Variants in RIC1 observed in about 807,000 individuals in gnomAD.
RIC1 encodes the protein guanine nucleotide exchange factor subunit RIC1.
In RIC1, 88 loss-of-function variants were observed where a neutral mutation model predicts 169.0. The observed-to-expected ratio is 0.52, with a 90% CI of 0.44 to 0.62. The LOEUF is 0.62. RIC1 is among the 20% of genes least tolerant of loss of function. The pLI is 0.00. For synonymous variants in RIC1, 790 were observed against 601.5 expected (o/e 1.31, Z -4.59); for missense variants, 1,877 against 1,725.5 (o/e 1.09, Z -1.56).
At chr9:5,645,051 C>T (rs141389498) in intron 1 of RIC1, among the ~76,000 whole-genome samples, 24 of 152,100 alleles carry the variant, frequency 1.6e-4, no homozygotes, top group African/African-American at 4.3e-4. Context: ...TTAGCCATTT[C>T]GCTATACCTA....
chr9:5,710,586 A>G (rs1327895208), intron 3 of RIC1, among the ~76,000 whole-genome samples: 4 of 152,234 alleles, frequency 2.6e-5, no homozygotes, highest in African/African-American at 7.2e-5. Context: ...AACCTCTAAA[A>G]TAAGAACAAA....
intron 2 of RIC1, among the ~76,000 whole-genome samples, chr9:5,683,079 A>C (rs1820962497): frequency 6.6e-6 from 1 of 152,024 alleles, no homozygotes; most frequent in Non-Finnish European, 1.5e-5. Context: ...TTTTTTTTCA[A>C]GGTTTTTAAC....
At chr9:5,767,729 A>G (rs949926456) in intron 21 of RIC1, among the ~76,000 whole-genome samples, 3 of 152,076 alleles carry the variant, frequency 2.0e-5, no homozygotes, top group Non-Finnish European at 2.9e-5. Flanking sequence ...CTGGGATTAC[A>G]GGCATGCACC....
chr9:5,750,744 G>A lies in RIC1; in HGVS notation c.1453-2456G>A, dbSNP rs538560613. 2.6e-4 allele frequency among the ~76,000 whole-genome samples: 39 copies of A among 148,622 alleles called. 1 individual carries two copies. The highest frequency in any genetic ancestry group is 9.1e-4 in the African/African-American group (37 of 40,710). ...TGATGTGGCATGACTTCAGTGCCCT[G>A]AGTGTGCTTTCATGACCTGTTTTTT... On this transcript the variant is annotated intron_variant, in intron 12 of 25. Transcript: ENST00000414202.
chr9:5,765,341 G>A (rs967369887), intron 19 of RIC1, 73 bp from the exon 20 acceptor site: 16 of 1,474,180 alleles, frequency 1.1e-5, no homozygotes, highest in Admixed American at 2.1e-5. Flanking sequence ...TTTAGAAAAC[G>A]AGATAAAGAA....
intron 2 of RIC1, among the ~76,000 whole-genome samples, chr9:5,672,844 G>C (rs547005429): frequency 3.3e-5 from 5 of 152,160 alleles, no homozygotes; most frequent in African/African-American, 9.6e-5. Flanking sequence ...AAGGGAAAGA[G>C]AATCACATTG....
intron 1 of RIC1, among the ~76,000 whole-genome samples, chr9:5,648,930 A>G (rs929788390): frequency 6.6e-6 from 1 of 152,188 alleles, no homozygotes; most frequent in African/African-American, 2.4e-5. Context: ...ATAGTTTGCA[A>G]CTATTGTCTA....
chr9:5,674,679 C>T (rs1417685770), intron 2 of RIC1, among the ~76,000 whole-genome samples: 1 of 152,196 alleles, frequency 6.6e-6, no homozygotes, highest in Non-Finnish European at 1.5e-5. Context: ...TTTAATGATG[C>T]CAGACGAATA....
intron 23 of RIC1, among the ~76,000 whole-genome samples, chr9:5,771,983 T>C (rs1827254571): frequency 6.6e-6 from 1 of 152,200 alleles, no homozygotes; most frequent in African/African-American, 2.4e-5. Flanking sequence ...ATCATCCCTA[T>C]AAAAATTTGA....
At chr9:5,720,126 C>G in intron 4 of RIC1, 56 bp from the exon 5 acceptor site, 1 of 1,418,802 alleles carries the variant, frequency 7.0e-7, no homozygotes, top group Non-Finnish European at 9.8e-7. Context: ...TTTTAATATT[C>G]ATACACATTG....
intron 3 of RIC1, among the ~76,000 whole-genome samples, chr9:5,707,169 G>C (rs989489041): frequency 2.0e-5 from 3 of 151,924 alleles, no homozygotes; most frequent in Non-Finnish European, 2.9e-5. Context: ...AGTGTATTTT[G>C]AATTTCCACA....
At chr9:5,697,242 G>C (rs935924025) in intron 3 of RIC1, among the ~76,000 whole-genome samples, 3 of 152,090 alleles carry the variant, frequency 2.0e-5, no homozygotes, top group African/African-American at 7.2e-5. Flanking sequence ...ACTTAACAAG[G>C]CTGCCATACT....
In RIC1 at chr9:5,629,259, C is replaced by T. The variant is rs938121359; in HGVS notation, c.-51C>T. 23 of 1,414,082 alleles carry T rather than the reference C, an allele frequency of 1.6e-5. No individual in the cohort carries two copies. The highest frequency in any genetic ancestry group is 1.8e-6 in the Non-Finnish European group (2 of 1,081,866). 87.6% of individuals were successfully genotyped at this position (1,414,082 alleles called of 1,614,324 possible). A position where few individuals can be genotyped will look rare whatever the true frequency, so the allele number is the denominator to read the frequency against. ...TGGGAGGTGGGCGACCAGCCCGGGG[C>T]CGCTGAGTGTGACGGACGCAACTGG... On this transcript the variant is annotated 5_prime_UTR_variant, in exon 1 of 26. Coordinates refer to ENST00000414202, the MANE Select transcript of RIC1 (RefSeq NM_020829.4).
chr9:5,718,672 T>G (rs1380964731), intron 4 of RIC1, among the ~76,000 whole-genome samples: 1 of 152,226 alleles, frequency 6.6e-6, no homozygotes, highest in Non-Finnish European at 1.5e-5. Flanking sequence ...AAACTTTTTA[T>G]ACTCTACCCA....
At chr9:5,683,682 G>A (rs970706843) in intron 2 of RIC1, among the ~76,000 whole-genome samples, 1 of 152,228 alleles carries the variant, frequency 6.6e-6, no homozygotes, top group African/African-American at 2.4e-5. Context: ...CTGTCAGACA[G>A]GGACATTTAA....
At chr9:5,640,263 T>A (rs1029610747) in intron 1 of RIC1, among the ~76,000 whole-genome samples, 4 of 152,186 alleles carry the variant, frequency 2.6e-5, no homozygotes, top group African/African-American at 4.8e-5. Context: ...CTGTGAGACT[T>A]GCAAGTACTG....
At chr9:5,650,281 G>T (rs1818730075) in intron 1 of RIC1, among the ~76,000 whole-genome samples, 3 of 152,110 alleles carry the variant, frequency 2.0e-5, no homozygotes. Flanking sequence ...GCATCAGGCT[G>T]GGTGGGCTGA....
chr9:5,751,931 G>T (rs1236361378), intron 12 of RIC1, among the ~76,000 whole-genome samples: 1 of 152,110 alleles, frequency 6.6e-6, no homozygotes, highest in Non-Finnish European at 1.5e-5. Context: ...TTTTCAATAT[G>T]TGACAACTTT....
At chr9:5,686,518 A>C (rs1418586323) in intron 2 of RIC1, among the ~76,000 whole-genome samples, 2 of 151,762 alleles carry the variant, frequency 1.3e-5, no homozygotes, top group Admixed American at 6.6e-5. Flanking sequence ...TCAGTAAACT[A>C]TCACAAGAAC....
Sources: allele counts gnomAD v4.1 joint callset (sites outside exome capture counted in the v4.1 genomes callset), GRCh38; gene constraint gnomAD v4.1.1; transcripts MANE v1.5; gene names NCBI Gene and HGNC (gene_info 2026-07-23, HGNC 2026-07-21).